GRM5: variants seen among roughly 807,000 people sequenced by gnomAD.
GRM5 encodes glutamate metabotropic receptor 5.
GRM5 carries 19 observed loss-of-function variants against 83.1 expected under a neutral mutation model. That is an observed-to-expected ratio of 0.23 (90% confidence interval 0.16 to 0.34). The LOEUF is 0.34. Ranked by LOEUF, GRM5 falls within the 10% of genes least tolerant of loss-of-function variation. GRM5 has a pLI of 1.00. For synonymous variants in GRM5, 675 were observed against 633.6 expected, an observed-to-expected ratio of 1.07 and a Z score of -0.98; for missense variants, 1,160 against 1,588.3, an observed-to-expected ratio of 0.73 and a Z score of 4.58.
At chr11:88,787,122 T>G (rs1214919129) in intron 3 of GRM5, among the ~76,000 whole-genome samples, 1 of 136,210 alleles carries the variant, frequency 7.3e-6, no homozygotes, top group African/African-American at 2.7e-5. Flanking sequence ...AAATATGATA[T>G]ATGATATGAT....
chr11:88,820,772 C>A (rs768085601), intron 3 of GRM5, among the ~76,000 whole-genome samples: 1 of 152,190 alleles, frequency 6.6e-6, no homozygotes, highest in Non-Finnish European at 1.5e-5. Context: ...CTCTGTGAAA[C>A]AGAATGAAGT....
Position 88,870,087 on chromosome 11 carries a change from T to G in GRM5, c.662-19932A>C, listed in dbSNP as rs1944737754. ...AGAACGGGTAGAAAAGAAGAAATAC[T>G]TCACTATATGAGAGGATATTCTAGA... On this transcript the variant is annotated intron_variant, in intron 2 of 9. Coordinates refer to ENST00000305447, the MANE Select transcript of GRM5 (RefSeq NM_001143831.3). Among the ~76,000 whole-genome samples the G allele has an allele frequency of 1.3e-5, 2 of 151,596 alleles. 1 individual carries two copies. The highest frequency in any genetic ancestry group is 4.1e-4 in the South Asian group (2 of 4,828).
chr11:89,029,168 T>C (rs1264576912), intron 2 of GRM5, among the ~76,000 whole-genome samples: 7 of 152,236 alleles, frequency 4.6e-5, no homozygotes, highest in Admixed American at 3.9e-4. Context: ...ATTTTCCTTA[T>C]CCAGTCTATC....
intron 4 of GRM5, among the ~76,000 whole-genome samples, chr11:88,630,574 A>ACACACACACACAC (rs57754831): frequency 1.3e-4 from 2 of 15,938 alleles, no homozygotes. Context: ...CACACACACA[A>ACACACACACACAC]ACACACACAC....
At chr11:89,035,209 A>G (rs952706793) in intron 2 of GRM5, among the ~76,000 whole-genome samples, 5 of 151,768 alleles carry the variant, frequency 3.3e-5, no homozygotes, top group African/African-American at 1.2e-4. Flanking sequence ...CATATTGTCA[A>G]CATCATTTGT....
chr11:88,687,553 CAT>C lies in GRM5; in HGVS notation c.912-34152_912-34151del, dbSNP rs1940667332. ...ACATATATATACACACACACACACA[CAT>C]ATATATTATATATATATATATATAA... On this transcript the variant is annotated intron_variant, in intron 3 of 9. Coordinates refer to ENST00000305447, the MANE Select transcript of GRM5 (RefSeq NM_001143831.3). Among the ~76,000 whole-genome samples, 5 of 14,898 alleles carry C rather than the reference CAT, an allele frequency of 3.4e-4. 2 individuals carry two copies. Among genetic ancestry groups the C allele is most frequent in the Non-Finnish European group, 3.6e-4 (3 of 8,406 alleles). 9.8% of individuals were successfully genotyped at this position (14,898 alleles called of 152,430 possible). A position where few individuals can be genotyped will look rare whatever the true frequency, so the allele number is the denominator to read the frequency against.
At chr11:88,542,880 C>G (rs917348040) in intron 8 of GRM5, among the ~76,000 whole-genome samples, 4 of 152,108 alleles carry the variant, frequency 2.6e-5, no homozygotes, top group African/African-American at 9.7e-5. Context: ...ACCAGCCTGG[C>G]CAACATGGTG....
chr11:88,895,917 T>G (rs1481198453), intron 2 of GRM5, among the ~76,000 whole-genome samples: 1 of 151,930 alleles, frequency 6.6e-6, no homozygotes, highest in East Asian at 1.9e-4. Flanking sequence ...TGTTTACTAG[T>G]AAAAAACATT....
At chr11:89,037,359 C>G (rs1316772862) in intron 2 of GRM5, among the ~76,000 whole-genome samples, 2 of 151,904 alleles carry the variant, frequency 1.3e-5, no homozygotes, top group African/African-American at 4.8e-5. Context: ...TGTCTAGTAT[C>G]CACTCCATTG....
chr11:88,826,249 AGAGT>A (rs1943893044), intron 3 of GRM5, among the ~76,000 whole-genome samples: 2 of 152,120 alleles, frequency 1.3e-5, no homozygotes, highest in African/African-American at 4.8e-5. Context: ...AATACAAGAA[AGAGT>A]ATTTTACTTA....
intron 2 of GRM5, among the ~76,000 whole-genome samples, chr11:88,908,610 A>G (rs682986): frequency 0.94 from 143,460 of 152,192 alleles, 67,677 homozygotes; most frequent in South Asian, 0.97. Flanking sequence ...CTTAAGTTCT[A>G]TTTTCAGCTT....
intron 2 of GRM5, among the ~76,000 whole-genome samples, chr11:88,857,407 T>C (rs560391228): frequency 8.3e-4 from 126 of 152,132 alleles, no homozygotes; most frequent in Middle Eastern, 3.4e-3. Flanking sequence ...TAAATATACA[T>C]ATAAGCAGTG....
At chr11:88,964,586 A>T (rs1224060198) in intron 2 of GRM5, among the ~76,000 whole-genome samples, 3 of 152,122 alleles carry the variant, frequency 2.0e-5, no homozygotes, top group Admixed American at 1.3e-4. Flanking sequence ...GAGAAGTGAA[A>T]CATAGTAATT....
intron 3 of GRM5, among the ~76,000 whole-genome samples, chr11:88,793,534 C>T (rs564520840): frequency 6.6e-6 from 1 of 152,074 alleles, no homozygotes; most frequent in East Asian, 1.9e-4. Context: ...TTATAAGACA[C>T]AGAAATAGAA....
chr11:88,780,529 T>A (rs1294030012), intron 3 of GRM5, among the ~76,000 whole-genome samples: 2 of 152,174 alleles, frequency 1.3e-5, no homozygotes, highest in Non-Finnish European at 2.9e-5. Flanking sequence ...ATAATAATAG[T>A]ACTGAACACT....
chr11:88,796,358 A>G (rs976399131), intron 3 of GRM5, among the ~76,000 whole-genome samples: 6 of 152,222 alleles, frequency 3.9e-5, no homozygotes, highest in Admixed American at 3.9e-4. Context: ...GGGTCCTAGT[A>G]TGCTGTTTGG....
chr11:88,809,769 C>CAA lies in GRM5; in HGVS notation c.911+40135_911+40136dup, dbSNP rs5793350. On this transcript the variant is annotated intron_variant, in intron 3 of 9. Coordinates refer to ENST00000305447, the MANE Select transcript of GRM5 (RefSeq NM_001143831.3). ...ACCAGGTATAATGCAGTTAATATGT[C>CAA]AAAAAAAAAAAGTTGAGGAGATTCT... Among the ~76,000 whole-genome samples, 62 of 146,908 alleles carry CAA rather than the reference C, an allele frequency of 4.2e-4. 1 individual carries two copies. The highest frequency in any genetic ancestry group is 2.6e-3 in the East Asian group (13 of 5,092).
At chr11:88,921,887 C>CA (rs1417214883) in intron 2 of GRM5, among the ~76,000 whole-genome samples, 1 of 150,104 alleles carries the variant, frequency 6.7e-6, no homozygotes, top group Admixed American at 6.6e-5. Context: ...AGAATAAATT[C>CA]AGTAAAGTTT....
intron 9 of GRM5, chr11:88,522,844 C>A (rs1037101373): frequency 3.3e-5 from 5 of 152,040 alleles, no homozygotes; most frequent in African/African-American, 1.2e-4. Flanking sequence ...TTGGCTATAT[C>A]CAAACAAGTG....
Sources: gnomAD v4.1 joint callset for allele counts (sites outside exome capture counted in the v4.1 genomes callset) on GRCh38, gnomAD v4.1.1 for gene constraint, MANE v1.5 for transcripts, NCBI Gene and HGNC (gene_info 2026-07-23, HGNC 2026-07-21) for gene names.